MATR3: variants seen among roughly 807,000 people sequenced by gnomAD.
The protein encoded by MATR3 is matrin 3.
Under a neutral mutation model 85.5 loss-of-function variants are expected in MATR3, and 4 were observed. The ratio of observed to expected loss-of-function variants is 0.05; its 90% CI spans 0.02 to 0.11. The LOEUF is 0.11. Among genes scored for constraint, MATR3 ranks in the 10% least tolerant of loss-of-function variants. MATR3 has a pLI of 1.00. For synonymous variants in MATR3, 336 were observed against 343.1 expected (o/e 0.98, Z 0.23); for missense variants, 685 against 1,016.1 (o/e 0.67, Z 4.43).
chr5:139,294,589 G>A (rs995043519), intron 1 of MATR3: 1 of 152,174 alleles, frequency 6.6e-6, no homozygotes, highest in Non-Finnish European at 1.5e-5. Context: ...CTGCGTCGTG[G>A]AACAAGCCGC....
At chr5:139,313,148 GACA>G (rs1304790891) in intron 2 of MATR3, 3 of 151,200 alleles carry the variant, frequency 2.0e-5, no homozygotes, top group African/African-American at 7.3e-5. Context: ...CTCTCAGTGA[GACA>G]TCCCCCTTTA....
intron 1 of MATR3, among the ~76,000 whole-genome samples, chr5:139,300,166 C>T (rs994103586): frequency 6.6e-6 from 1 of 152,100 alleles, no homozygotes; most frequent in Non-Finnish European, 1.5e-5. Context: ...AGTTCGAGAC[C>T]AGTCTGGCCA....
intron 2 of MATR3, chr5:139,278,573 C>A (rs571432057): frequency 2.5e-5 from 9 of 357,264 alleles, no homozygotes; most frequent in African/African-American, 1.7e-4. Context: ...AGATCCCAAT[C>A]GCAGTGCTTG....
chr5:139,329,446 TTAA>T lies in MATR3; in HGVS notation c.*53_*55del. ...CAAAGAAAATAATGGTTCTTTGTTT[TTAA>T]TGTTAACCTTTTTTAAATACAATAC... On this transcript the variant is annotated 3_prime_UTR_variant, in exon 15 of 15. Transcript: ENST00000394805. 6.9e-7 allele frequency: 1 copy of T among 1,458,600 alleles called. No individual in the cohort carries two copies. The allele number at this position is 1,458,600 out of a possible 1,614,324, so 90.4% of individuals were successfully genotyped here.
At chr5:139,288,027 A>G (rs1753759319) in intron 3 of MATR3, among the ~76,000 whole-genome samples, 1 of 152,156 alleles carries the variant, frequency 6.6e-6, no homozygotes, top group African/African-American at 2.4e-5. Context: ...CCTAGGCAAC[A>G]TAATGAAACC....
At chr5:139,280,521 T>G (rs1290056926) in intron 3 of MATR3, 4 of 152,224 alleles carry the variant, frequency 2.6e-5, no homozygotes, top group Admixed American at 1.3e-4. Flanking sequence ...GTCTGTTTTT[T>G]GTGTGTTTGG....
chr5:139,281,331 T>G (rs1753511189), intron 3 of MATR3, among the ~76,000 whole-genome samples: 1 of 150,194 alleles, frequency 6.7e-6, no homozygotes, highest in Non-Finnish European at 1.5e-5. Context: ...TCACTCTGCC[T>G]GGCCTCGAAG....
chr5:139,317,231 C>A, intron 6 of MATR3, 126 bp downstream of exon 6: 1 of 986,482 alleles, frequency 1.0e-6, no homozygotes, highest in Non-Finnish European at 1.6e-6. Flanking sequence ...TGAAAACAAT[C>A]ACGTTTTTCT....
At chr5:139,297,848 C>T (rs548625127) in intron 1 of MATR3, among the ~76,000 whole-genome samples, 27 of 152,264 alleles carry the variant, frequency 1.8e-4, no homozygotes, top group African/African-American at 6.5e-4. Flanking sequence ...TGCTCCCCAC[C>T]CACCAAACCT....
intron 14 of MATR3, among the ~76,000 whole-genome samples, chr5:139,328,100 T>TG (rs1219732766): frequency 4.7e-5 from 7 of 150,488 alleles, no homozygotes; most frequent in African/African-American, 1.5e-4. Flanking sequence ...TGACCTCAGG[T>TG]GATCGCCTGC....
At chr5:139,314,385 A>C (rs911038344) in intron 2 of MATR3, 1 of 374,442 alleles carries the variant, frequency 2.7e-6, no homozygotes, top group Admixed American at 3.8e-5. Context: ...AAGGTTAGTT[A>C]CTACTCTTGA....
chr5:139,313,136 A>G (rs532519169), intron 2 of MATR3: 1 of 150,842 alleles, frequency 6.6e-6, no homozygotes, highest in South Asian at 2.1e-4. Context: ...AATTTAGTTC[A>G]GCTCTCAGTG....
In MATR3 at chr5:139,307,448, T is replaced by C. The variant is rs1754767971; in HGVS notation, c.33T>C (p.Ser11=). 3 of 1,613,908 alleles carry C rather than the reference T, an allele frequency of 1.9e-6. No homozygotes were observed. The highest frequency in any genetic ancestry group is 2.7e-5 in the African/African-American group (2 of 74,852). The change falls in exon 2 of 15, where the codon AGT becomes AGC. Residue 11 remains serine, a synonymous_variant. Coordinates refer to ENST00000394805, the MANE Select transcript of MATR3 (RefSeq NM_018834.6). This position sits in a 1 kb window ranked among gnomAD's most constrained non-coding sequence, Gnocchi z 4.4. MSKSFQQSSL[S]RDSQGHGRDL... is the part of the protein sequence containing the mutation. ...AGTCATTCCAGCAGTCATCTCTCAGTAGGGACTCACAGGGTCATGGGCGTG... is the reference window on the plus strand; with the variant it reads ...AGTCATTCCAGCAGTCATCTCTCAGCAGGGACTCACAGGGTCATGGGCGTG...
rs1328940989 is a variant in MATR3, at chr5:139,330,722, G to A, written c.*1327G>A. 1 of 454,112 alleles carries A rather than the reference G, an allele frequency of 2.2e-6. No homozygotes were observed. The highest frequency in any genetic ancestry group is 2.0e-5 in the African/African-American group (1 of 50,144). 28.1% of individuals were successfully genotyped at this position (454,112 alleles called of 1,614,324 possible). ...CAGTACAATTGGAAGTAATACGGAT[G>A]AGCAAGAATTAGTTCTGCAGCTTTT... On this transcript the variant is annotated 3_prime_UTR_variant, in exon 15 of 15. Coordinates refer to ENST00000394805, the MANE Select transcript of MATR3 (RefSeq NM_018834.6).
chr5:139,289,550 T>C (rs967359101), upstream of MATR3, among the ~76,000 whole-genome samples: 4 of 152,276 alleles, frequency 2.6e-5, no homozygotes, highest in Admixed American at 1.3e-4. Flanking sequence ...CTGACTATAA[T>C]GTCCATGTCT....
At chr5:139,299,939 A>T (rs1356901993) in intron 1 of MATR3, 2 of 152,264 alleles carry the variant, frequency 1.3e-5, no homozygotes, top group African/African-American at 4.8e-5. Context: ...CTTGGATGGG[A>T]AACAGGTTAA....
At chr5:139,322,338 C>A in intron 10 of MATR3, 125 bp from the exon 11 acceptor site, 1 of 931,866 alleles carries the variant, frequency 1.1e-6, no homozygotes, top group Non-Finnish European at 1.7e-6. Context: ...AGCTTAGGTT[C>A]TCAAATAAGG....
Position 139,330,336 on chromosome 5 carries a change from T to A in MATR3, c.*941T>A. On this transcript the variant is annotated 3_prime_UTR_variant, in exon 15 of 15. Transcript: ENST00000394805. ...TTTGTGTTTACTTGTAACTTTCTGGTTATATACTGCTTATATCTGTGGATT... is the reference window on the plus strand; with the variant it reads ...TTTGTGTTTACTTGTAACTTTCTGGATATATACTGCTTATATCTGTGGATT... 1 of 454,422 alleles carries A rather than the reference T, an allele frequency of 2.2e-6. No individual in the cohort carries two copies. Among genetic ancestry groups the A allele is most frequent in the South Asian group, 1.6e-5 (1 of 64,432 alleles). 28.1% of individuals were successfully genotyped at this position (454,422 alleles called of 1,614,324 possible).
At chr5:139,316,376 G>T (rs1306168672) in intron 5 of MATR3, among the ~76,000 whole-genome samples, 188 bp downstream of exon 5, 1 of 152,054 alleles carries the variant, frequency 6.6e-6, no homozygotes, top group East Asian at 1.9e-4. Context: ...CTACCGAGTA[G>T]CTGGGATTAC....
Sources: allele counts gnomAD v4.1 joint callset (sites outside exome capture counted in the v4.1 genomes callset), GRCh38; gene constraint gnomAD v4.1.1; non-coding constraint Gnocchi (gnomAD v3.1); transcripts MANE v1.5; gene names NCBI Gene and HGNC (gene_info 2026-07-23, HGNC 2026-07-21).